Variants in ECPAS observed in about 807,000 individuals in gnomAD.
The protein encoded by ECPAS is Ecm29 proteasome adaptor and scaffold, also known as proteasome adapter and scaffold protein ECM29.
Under a neutral mutation model 255.1 loss-of-function variants are expected in ECPAS, and 70 were observed. The ratio of observed to expected loss-of-function variants is 0.27; its 90% CI spans 0.23 to 0.33. The LOEUF (loss-of-function observed/expected upper bound fraction) is 0.33. ECPAS is among the 10% of genes least tolerant of loss of function. The pLI is 1.00. For synonymous variants in ECPAS, 784 were observed against 775.0 expected, an observed-to-expected ratio of 1.01 and a Z score of -0.19; for missense variants, 1,817 against 2,206.4, an observed-to-expected ratio of 0.82 and a Z score of 3.54.
intron 24 of ECPAS, among the ~76,000 whole-genome samples, chr9:111,398,329 G>T (rs559018211): frequency 7.2e-5 from 11 of 152,292 alleles, no homozygotes; most frequent in South Asian, 6.2e-4. Flanking sequence ...TTCATTTTAT[G>T]TACCTGTACC....
At chr9:111,379,162 T>C (rs752290234) in intron 35 of ECPAS, among the ~76,000 whole-genome samples, 25 of 152,204 alleles carry the variant, frequency 1.6e-4, no homozygotes, top group Admixed American at 3.9e-4. Flanking sequence ...ATTACAGTCA[T>C]GTGCTGCATG....
intron 32 of ECPAS, among the ~76,000 whole-genome samples, chr9:111,385,887 A>G (rs2098147549): frequency 6.6e-6 from 1 of 152,234 alleles, no homozygotes; most frequent in African/African-American, 2.4e-5. Flanking sequence ...AAAATCATTG[A>G]CCAAAGCTTA....
intron 3 of ECPAS, among the ~76,000 whole-genome samples, chr9:111,448,169 A>T (rs2098255754): frequency 1.3e-5 from 2 of 152,218 alleles, no homozygotes; most frequent in South Asian, 4.1e-4. Flanking sequence ...TTATGTATCA[A>T]TAAAATTTTT....
intron 29 of ECPAS, among the ~76,000 whole-genome samples, chr9:111,391,255 CA>C (rs2098159548): frequency 6.6e-6 from 1 of 152,048 alleles, no homozygotes; most frequent in African/African-American, 2.4e-5. Flanking sequence ...AAATCTAACT[CA>C]GAGTTTGTTT....
At chr9:111,430,512 T>C (rs1348687717) in intron 9 of ECPAS, 35 bp downstream of exon 9, 1 of 1,330,884 alleles carries the variant, frequency 7.5e-7, no homozygotes, top group Non-Finnish European at 1.1e-6. Flanking sequence ...AAACTACTTT[T>C]TACGCTGATG....
chr9:111,463,206 T>A (rs936136677), intron 2 of ECPAS, among the ~76,000 whole-genome samples: 1 of 152,148 alleles, frequency 6.6e-6, no homozygotes, highest in African/African-American at 2.4e-5. Flanking sequence ...GCCAACACCA[T>A]CTCAAACACC....
At chr9:111,397,975 A>G (rs1056631509) in intron 24 of ECPAS, among the ~76,000 whole-genome samples, 3 of 152,238 alleles carry the variant, frequency 2.0e-5, no homozygotes, top group Non-Finnish European at 4.4e-5. Flanking sequence ...ATTCACTAGT[A>G]GGAGTCACTG....
chr9:111,410,328 G>A (rs370961366), intron 22 of ECPAS, 115 bp from the exon 23 acceptor site: 16 of 791,562 alleles, frequency 2.0e-5, no homozygotes, highest in East Asian at 8.3e-5. Context: ...CAAAGTGTAC[G>A]ATATCTTCTA....
intron 15 of ECPAS, among the ~76,000 whole-genome samples, chr9:111,420,927 A>G (rs2098212590): frequency 6.6e-6 from 1 of 152,232 alleles, no homozygotes; most frequent in South Asian, 2.1e-4. Flanking sequence ...TTGTCTGTGA[A>G]AAGAAATTAG....
chr9:111,442,495 G>A (rs1191817518), intron 4 of ECPAS, 71 bp from the exon 5 acceptor site: 1 of 942,760 alleles, frequency 1.1e-6, no homozygotes. Context: ...ATATATGATT[G>A]ATAACTTAGA....
At chr9:111,426,240 C>T (rs2098221377) in intron 10 of ECPAS, among the ~76,000 whole-genome samples, 2 of 152,028 alleles carry the variant, frequency 1.3e-5, no homozygotes, top group African/African-American at 4.8e-5. Context: ...ATTATGGAAC[C>T]ACATCTAGAA....
chr9:111,474,223 C>T (rs1352846310), intron 1 of ECPAS, among the ~76,000 whole-genome samples: 1 of 152,148 alleles, frequency 6.6e-6, no homozygotes, highest in East Asian at 1.9e-4. Flanking sequence ...ACACAGACTA[C>T]CTATCTGTTG....
intron 43 of ECPAS, among the ~76,000 whole-genome samples, chr9:111,371,121 G>A (rs1011100175): frequency 3.3e-5 from 5 of 151,718 alleles, no homozygotes; most frequent in African/African-American, 1.2e-4. Context: ...AGATCATTAG[G>A]TTACCACAAT....
chr9:111,366,686 G>T, intron 46 of ECPAS, 59 bp from the exon 47 acceptor site: 1 of 1,054,962 alleles, frequency 9.5e-7, no homozygotes, highest in Non-Finnish European at 1.5e-6. Flanking sequence ...ACAAGAGATG[G>T]AATAAATGAG....
chr9:111,413,196 A>C (rs1375256935), intron 20 of ECPAS, among the ~76,000 whole-genome samples: 3 of 152,156 alleles, frequency 2.0e-5, no homozygotes, highest in Non-Finnish European at 4.4e-5. Flanking sequence ...TCTAAAACAT[A>C]TACTTCCTCA....
intron 3 of ECPAS, among the ~76,000 whole-genome samples, chr9:111,448,070 G>C (rs1412742911): frequency 6.6e-6 from 1 of 152,032 alleles, no homozygotes; most frequent in Non-Finnish European, 1.5e-5. Flanking sequence ...AAATAATTAG[G>C]TGATGAGTAT....
chr9:111,423,387 T>C, intron 12 of ECPAS, 139 bp from the exon 13 acceptor site: 1 of 637,844 alleles, frequency 1.6e-6, no homozygotes, highest in Non-Finnish European at 2.7e-6. Context: ...TCACTCTGTC[T>C]AACTACATGG....
intron 6 of ECPAS, among the ~76,000 whole-genome samples, chr9:111,439,441 G>T (rs1434852258): frequency 1.3e-5 from 2 of 151,950 alleles, no homozygotes; most frequent in Non-Finnish European, 2.9e-5. Context: ...ACTAATTTTT[G>T]TATTTTTTGT....
chr9:111,435,270 G>A (rs1349541078), intron 7 of ECPAS, among the ~76,000 whole-genome samples: 1 of 152,052 alleles, frequency 6.6e-6, no homozygotes, highest in African/African-American at 2.4e-5. Flanking sequence ...GAAAAAACAT[G>A]TTTTCCTTGG....
Sources: allele counts gnomAD v4.1 joint callset (sites outside exome capture counted in the v4.1 genomes callset), GRCh38; gene constraint gnomAD v4.1.1; transcripts MANE v1.5; gene names NCBI Gene and HGNC (gene_info 2026-07-23, HGNC 2026-07-21).